LRP1B: variants seen among roughly 807,000 people sequenced by gnomAD.
The protein encoded by LRP1B is LDL receptor related protein 1B.
LRP1B carries 217 observed loss-of-function variants against 556.6 expected under a neutral mutation model. The observed-to-expected ratio is 0.39, with a 90% CI of 0.35 to 0.44. LRP1B has a LOEUF of 0.44. Among genes scored for constraint, LRP1B ranks in the 20% least tolerant of loss-of-function variants. LRP1B has a pLI of 1.00. For synonymous variants in LRP1B, 2,047 were observed against 1,865.8 expected, an observed-to-expected ratio of 1.10 and a Z score of -2.50; for missense variants, 5,053 against 5,620.8, an observed-to-expected ratio of 0.90 and a Z score of 3.23.
rs144056314 is a variant in LRP1B at position 141,096,756 on chromosome 2, A to C, written c.1014-34483T>G. On this transcript the variant is annotated intron_variant, in intron 7 of 90. Transcript: ENST00000389484. Reference sequence around the variant, plus strand: ...TGGTCAAGTAACATTTTAAATGTAAAAAAAATTAGGCTTTGTTTTTGATAA... The same window carrying C: ...TGGTCAAGTAACATTTTAAATGTAACAAAAATTAGGCTTTGTTTTTGATAA... Among the ~76,000 whole-genome samples the C allele has an allele frequency of 4.6e-5, 7 of 152,236 alleles. No individual in the cohort carries two copies. The East Asian group carries it at 9.7e-4, about 21-fold the overall frequency.
intron 2 of LRP1B, among the ~76,000 whole-genome samples, chr2:141,574,473 C>T (rs1686662599): frequency 6.6e-6 from 1 of 152,048 alleles, no homozygotes; most frequent in South Asian, 2.1e-4. Context: ...TTATGACAAA[C>T]CCACAGCGTC....
intron 3 of LRP1B, among the ~76,000 whole-genome samples, chr2:141,431,213 C>T (rs1045234193): frequency 7.1e-6 from 1 of 141,048 alleles, no homozygotes; most frequent in Non-Finnish European, 1.5e-5. Flanking sequence ...GTAATCATAT[C>T]AGCCCTCAAA....
chr2:140,890,766 T>C (rs1693773930), intron 23 of LRP1B, among the ~76,000 whole-genome samples: 2 of 152,054 alleles, frequency 1.3e-5, no homozygotes, highest in Non-Finnish European at 2.9e-5. Flanking sequence ...TGTTATTTCA[T>C]AAACCAGTGG....
chr2:141,610,666 C>CAA (rs781337596), intron 2 of LRP1B, among the ~76,000 whole-genome samples: 3 of 152,258 alleles, frequency 2.0e-5, no homozygotes, highest in Admixed American at 6.5e-5. Flanking sequence ...ATTTCTACAC[C>CAA]ATTTGGCTGG....
At chr2:141,032,451 C>G (rs986043926) in intron 11 of LRP1B, among the ~76,000 whole-genome samples, 7 of 152,074 alleles carry the variant, frequency 4.6e-5, no homozygotes, top group African/African-American at 1.7e-4. Flanking sequence ...AACTTACATT[C>G]TCCCCAGTAG....
intron 20 of LRP1B, among the ~76,000 whole-genome samples, chr2:140,941,955 C>G (rs541017634): frequency 6.6e-6 from 1 of 152,190 alleles, no homozygotes; most frequent in South Asian, 2.1e-4. Context: ...ATGACAATGT[C>G]TAAAATGACA....
intron 1 of LRP1B, among the ~76,000 whole-genome samples, chr2:142,093,313 G>A (rs1455308347): frequency 6.6e-6 from 1 of 151,946 alleles, no homozygotes; most frequent in Non-Finnish European, 1.5e-5. Context: ...TTCCTTGAGG[G>A]CAGCATCACT....
chr2:140,722,581 C>T (rs1485511590), intron 35 of LRP1B, among the ~76,000 whole-genome samples: 1 of 152,090 alleles, frequency 6.6e-6, no homozygotes, highest in Non-Finnish European at 1.5e-5. Context: ...GAAACTAGTT[C>T]AACATGCTTA....
intron 3 of LRP1B, among the ~76,000 whole-genome samples, chr2:141,479,909 G>A (rs969059136): frequency 6.6e-6 from 1 of 152,058 alleles, no homozygotes; most frequent in Non-Finnish European, 1.5e-5. Flanking sequence ...AAAATTACAA[G>A]AAAGTTAACA....
chr2:142,087,229 T>C (rs1705976602), intron 1 of LRP1B, among the ~76,000 whole-genome samples: 1 of 152,086 alleles, frequency 6.6e-6, no homozygotes, highest in Non-Finnish European at 1.5e-5. Flanking sequence ...TCTCATGGAT[T>C]TGGGGTGGAG....
At chr2:141,887,859 T>C (rs997152707) in intron 1 of LRP1B, among the ~76,000 whole-genome samples, 6 of 152,210 alleles carry the variant, frequency 3.9e-5, no homozygotes, top group African/African-American at 1.4e-4. Flanking sequence ...ATGAGCACAC[T>C]ACTTTCTCAA....
chr2:141,671,329 G>A (rs969289861), intron 2 of LRP1B, among the ~76,000 whole-genome samples: 5 of 152,174 alleles, frequency 3.3e-5, no homozygotes, highest in African/African-American at 7.2e-5. Flanking sequence ...GTTCATGTGC[G>A]AATGTTTAAT....
At chr2:141,193,020 G>A (rs571887632) in intron 6 of LRP1B, among the ~76,000 whole-genome samples, 56 of 151,938 alleles carry the variant, frequency 3.7e-4, no homozygotes, top group African/African-American at 1.3e-3. Flanking sequence ...ATATTATGAG[G>A]CAAGTAATGA....
intron 1 of LRP1B, among the ~76,000 whole-genome samples, chr2:142,036,942 T>A (rs1432959513): frequency 6.6e-6 from 1 of 151,726 alleles, no homozygotes; most frequent in African/African-American, 2.4e-5. Context: ...CACAGATTTT[T>A]AAAAAATTAT....
intron 41 of LRP1B, among the ~76,000 whole-genome samples, chr2:140,620,473 C>T (rs1423838667): frequency 1.3e-5 from 2 of 152,170 alleles, no homozygotes; most frequent in East Asian, 3.8e-4. Flanking sequence ...GCCTAAATGT[C>T]AAGAACAAAG....
At chr2:140,314,024 A>G (rs1684415151) in intron 83 of LRP1B, among the ~76,000 whole-genome samples, 1 of 151,948 alleles carries the variant, frequency 6.6e-6, no homozygotes, top group South Asian at 2.1e-4. Flanking sequence ...AAAATTCTTC[A>G]TATAATTCTT....
At chr2:142,016,235 G>A (rs958935624) in intron 1 of LRP1B, among the ~76,000 whole-genome samples, 9 of 152,096 alleles carry the variant, frequency 5.9e-5, no homozygotes, top group East Asian at 1.9e-4. Context: ...TGGTAGGAGC[G>A]TAAATTAGTT....
intron 1 of LRP1B, among the ~76,000 whole-genome samples, chr2:142,119,932 C>A (rs905467018): frequency 4.6e-5 from 7 of 152,156 alleles, no homozygotes; most frequent in African/African-American, 1.7e-4. Context: ...ACAAACCACA[C>A]TGAGACTGGT....
intron 9 of LRP1B, 35 bp from the exon 10 acceptor site, chr2:141,055,294 A>C (rs2105456364): frequency 6.3e-7 from 1 of 1,590,946 alleles, no homozygotes; most frequent in East Asian, 2.3e-5. Context: ...CGTGAAATTC[A>C]AGTTCAAAGA....
Sources: allele counts gnomAD v4.1 joint callset (sites outside exome capture counted in the v4.1 genomes callset), GRCh38; gene constraint gnomAD v4.1.1; transcripts MANE v1.5; gene names NCBI Gene and HGNC (gene_info 2026-07-23, HGNC 2026-07-21).